SIX5: variants seen among roughly 807,000 people sequenced by gnomAD.
SIX5 encodes the protein homeobox protein SIX5.
SIX5 carries 21 observed loss-of-function variants against 37.1 expected under a neutral mutation model. The ratio of observed to expected loss-of-function variants is 0.57; its 90% CI spans 0.40 to 0.81. The LOEUF is 0.81. Ranked by LOEUF, SIX5 falls within the 40% of genes least tolerant of loss-of-function variation. SIX5 has a pLI of 0.00. For synonymous variants in SIX5, 626 were observed against 505.9 expected (o/e 1.24, Z -3.19); for missense variants, 1,137 against 1,025.1 (o/e 1.11, Z -1.49).
Position 45,768,925 on chromosome 19 carries a change from C to A in SIX5, c.-81G>T. ...CAGCCTCCTCCCCCACCTGTCCCCC[C>A]TTTTCGCCCCCACTCCCCGCTCTTC... On this transcript the variant is annotated 5_prime_UTR_variant, in exon 1 of 3. The change creates a new upstream start codon in the 5' untranslated region. Coordinates refer to ENST00000317578, the MANE Select transcript of SIX5 (RefSeq NM_175875.5). 7.5e-7 allele frequency: 1 copy of A among 1,328,148 alleles called. No homozygotes were observed. Among genetic ancestry groups the A allele is most frequent in the Non-Finnish European group, 1.0e-6 (1 of 974,056 alleles). The allele number at this position is 1,328,148 out of a possible 1,614,324, so 82.3% of individuals were successfully genotyped here. A position where few individuals can be genotyped will look rare whatever the true frequency, so the allele number is the denominator to read the frequency against.
Position 45,767,948 on chromosome 19 carries a change from G to C in SIX5, c.803+94C>G, listed in dbSNP as rs550800552. Reference sequence around the variant, plus strand: ...GTCCCGGGAGATGTCCGAGGACCTCGGCGCGCCGGCCCCAGCAGTGGGCAC... The same window carrying C: ...GTCCCGGGAGATGTCCGAGGACCTCCGCGCGCCGGCCCCAGCAGTGGGCAC... On this transcript the variant is annotated intron_variant, in intron 1 of 2. Coordinates refer to ENST00000317578, the MANE Select transcript of SIX5 (RefSeq NM_175875.5). 4 of 1,315,786 alleles carry C rather than the reference G, an allele frequency of 3.0e-6. No homozygotes were observed. In the South Asian group the frequency reaches 5.6e-5, roughly 18 times the overall value. 81.5% of individuals were successfully genotyped at this position (1,315,786 alleles called of 1,614,324 possible).
chr19:45,765,344 A>G lies in SIX5; in HGVS notation c.*157T>C. On this transcript the variant is annotated 3_prime_UTR_variant, in exon 3 of 3. Transcript: ENST00000317578. The stretch of plus-strand genomic sequence containing the variant: ...ACCTGGACAGGAGGTGGCCGGGGAT[A>G]CAACCCCCAGCACCACCAGGGCTTG... The G allele has an allele frequency of 9.6e-7, 1 of 1,040,028 alleles. No homozygotes were observed. The highest frequency in any genetic ancestry group is 1.5e-6 in the Non-Finnish European group (1 of 676,556). The allele number at this position is 1,040,028 out of a possible 1,614,324, so 64.4% of individuals were successfully genotyped here. A position where few individuals can be genotyped will look rare whatever the true frequency, so the allele number is the denominator to read the frequency against.
At position 45,768,202 on chromosome 19, in the gene SIX5, C is replaced by T; in HGVS notation, c.643G>A (p.Ala215Thr). The change falls in exon 1 of 3, where the codon GCG becomes ACG. Residue 215 changes from alanine (A) to threonine (T), a missense_variant. Around this residue, in one of 3 missense-constraint regions of SIX5, gnomAD observed 331 missense variants for 360.9 expected, o/e 0.92. Coordinates refer to ENST00000317578, the MANE Select transcript of SIX5 (RefSeq NM_175875.5). Reference protein sequence around the residue: ...VYCFKERSRAALKACYRGNRY... With the variant: ...VYCFKERSRATLKACYRGNRY... ...TTGCCGCGGTAGCAGGCCTTGAGCG[C>T]TGCGCGGGAGCGCTCCTTGAAGCAG... The T allele has an allele frequency of 1.9e-6, 3 of 1,613,244 alleles. No individual in the cohort carries two copies. In the South Asian group the frequency reaches 3.3e-5, roughly 18 times the overall value.
In SIX5 at chr19:45,766,936, GC is replaced by G; in HGVS notation, c.1022del (p.Gly341AlafsTer126). ...SGSPAVLLNG[G>X]PVIINGLALG... is the part of the protein sequence containing the mutation. ...GGGCCAGGCCGTTGATGATGACGGG[GC>G]CCCCGTTGAGGAGCACTGCTGGGGA... is the stretch of plus-strand genomic sequence containing the variant. On this transcript the variant is annotated frameshift_variant, in exon 2 of 3. Coordinates refer to ENST00000317578, the MANE Select transcript of SIX5 (RefSeq NM_175875.5). LOFTEE classifies it high-confidence loss of function. 1.9e-6 allele frequency: 3 copies of G among 1,570,576 alleles called. No individual in the cohort carries two copies. Among genetic ancestry groups the G allele is most frequent in the Non-Finnish European group, 1.7e-6 (2 of 1,160,654 alleles).
Position 45,765,272 on chromosome 19 carries a change from T to G in SIX5, c.*229A>C. The G allele has an allele frequency of 1.6e-6, 1 of 633,676 alleles. No individual in the cohort carries two copies. The highest frequency in any genetic ancestry group is 2.8e-6 in the Non-Finnish European group (1 of 354,618). The allele number at this position is 633,676 out of a possible 1,614,324, so 39.3% of individuals were successfully genotyped here. A position where few individuals can be genotyped will look rare whatever the true frequency, so the allele number is the denominator to read the frequency against. ...CCCACGTATATGGCAGGGCACAGCA[T>G]GGGGAGGGCTGTAACAGAGAGGCCT... On this transcript the variant is annotated 3_prime_UTR_variant, in exon 3 of 3. Coordinates refer to ENST00000317578, the MANE Select transcript of SIX5 (RefSeq NM_175875.5).
chr19:45,765,752 A>T lies in SIX5; in HGVS notation c.1969T>A (p.Leu657Met), dbSNP rs774760098. The change falls in exon 3 of 3, where the codon TTG (leucine) becomes ATG (methionine). Residue 657 changes from leucine (L) to methionine (M), a missense_variant. Coordinates refer to ENST00000317578, the MANE Select transcript of SIX5 (RefSeq NM_175875.5). ...CAGACAGGCACGGCCGCGGGTGACAACATCAGCCCCTCTGGTGGGGGCGCC... is the reference window on the plus strand; with the variant it reads ...CAGACAGGCACGGCCGCGGGTGACATCATCAGCCCCTCTGGTGGGGGCGCC... ...FPAPPPEGLM[L>M]SPAAVPVWSA... is the part of the protein sequence containing the mutation. 3.1e-6 allele frequency: 5 copies of T among 1,611,220 alleles called. 1 individual carries two copies. The highest frequency in any genetic ancestry group is 1.7e-5 in the Admixed American group (1 of 60,026).
In SIX5 at chr19:45,766,935, G is replaced by A. The variant is rs772285815; in HGVS notation, c.1024C>T (p.Pro342Ser). Reference sequence around the variant, plus strand: ...AGGGCCAGGCCGTTGATGATGACGGGGCCCCCGTTGAGGAGCACTGCTGGG... The same window carrying A: ...AGGGCCAGGCCGTTGATGATGACGGAGCCCCCGTTGAGGAGCACTGCTGGG... ...GSPAVLLNGG[P>S]VIINGLALGE... The change falls in exon 2 of 3, where the codon CCC becomes TCC. Residue 342 changes from proline (P) to serine (S), a missense_variant. By Grantham distance (74) the Pro-to-Ser change is moderately conservative. Coordinates refer to ENST00000317578, the MANE Select transcript of SIX5 (RefSeq NM_175875.5). 21 of 1,569,796 alleles carry A rather than the reference G, an allele frequency of 1.3e-5. No homozygotes were observed. Among genetic ancestry groups the A allele is most frequent in the Middle Eastern group, 2.0e-4 (1 of 4,902 alleles).
Position 45,765,811 on chromosome 19 carries a change from G to C in SIX5, c.1910C>G (p.Ser637Cys), listed in dbSNP as rs891017241. The C allele has an allele frequency of 1.8e-5, 29 of 1,603,802 alleles. No individual in the cohort carries two copies. The highest frequency in any genetic ancestry group is 2.5e-5 in the Non-Finnish European group (29 of 1,179,820). Reference sequence around the variant, plus strand: ...GGGCAGGAGGCCAGGGGAGTCAGGGGAGAAGGGCAGGCTGGTGCTGGAGGT... The same window carrying C: ...GGGCAGGAGGCCAGGGGAGTCAGGGCAGAAGGGCAGGCTGGTGCTGGAGGT... ...ATTSSTSLPF[S>C]PDSPGLLPNF... Residue 637 changes from serine (S) to cysteine (C), a missense_variant, in exon 3 of 3, where the codon TCC (serine) becomes TGC (cysteine). Coordinates refer to ENST00000317578, the MANE Select transcript of SIX5 (RefSeq NM_175875.5).
chr19:45,765,707 T>C lies in SIX5; in HGVS notation c.2014A>G (p.Ser672Gly), dbSNP rs766716774. 3 of 1,613,004 alleles carry C rather than the reference T, an allele frequency of 1.9e-6. No homozygotes were observed. The highest frequency in any genetic ancestry group is 8.5e-7 in the Non-Finnish European group (1 of 1,179,982). The change falls in exon 3 of 3, where the codon AGC becomes GGC. Residue 672 changes from serine to glycine, a missense_variant. Transcript: ENST00000317578. Reference protein sequence around the residue: ...VPVWSAGLELSAGTEGLLEAE... With the variant: ...VPVWSAGLELGAGTEGLLEAE... Reference sequence around the variant, plus strand: ...TCCAGCAGCCCCTCTGTTCCTGCGCTTAGTTCCAGCCCTGCTGACCAGACA... The same window carrying C: ...TCCAGCAGCCCCTCTGTTCCTGCGCCTAGTTCCAGCCCTGCTGACCAGACA...
rs1969161825 is a variant in SIX5, at chr19:45,768,928, T to TTCGCCCCCACTCCCCGCTCTTC, written c.-106_-85dup. On this transcript the variant is annotated 5_prime_UTR_variant, in exon 1 of 3. Coordinates refer to ENST00000317578, the MANE Select transcript of SIX5 (RefSeq NM_175875.5). ...CCTCCTCCCCCACCTGTCCCCCCTT[T>TTCGCCCCCACTCCCCGCTCTTC]TCGCCCCCACTCCCCGCTCTTCTCG... 1 of 1,231,318 alleles carries TTCGCCCCCACTCCCCGCTCTTC rather than the reference T, an allele frequency of 8.1e-7. No individual in the cohort carries two copies. Among genetic ancestry groups the TTCGCCCCCACTCCCCGCTCTTC allele is most frequent in the Non-Finnish European group, 1.1e-6 (1 of 907,726 alleles). 76.3% of individuals were successfully genotyped at this position (1,231,318 alleles called of 1,614,324 possible).
chr19:45,765,245 C>T lies in SIX5; in HGVS notation c.*256G>A. On this transcript the variant is annotated 3_prime_UTR_variant, in exon 3 of 3. Coordinates refer to ENST00000317578, the MANE Select transcript of SIX5 (RefSeq NM_175875.5). ...GGGCCCCTGAGTCAGGACCCTGAGT[C>T]CCCCACGTATATGGCAGGGCACAGC... 1 of 583,850 alleles carries T rather than the reference C, an allele frequency of 1.7e-6. No homozygotes were observed. The highest frequency in any genetic ancestry group is 3.1e-6 in the Non-Finnish European group (1 of 325,850). The allele number at this position is 583,850 out of a possible 1,614,324, so 36.2% of individuals were successfully genotyped here.
chr19:45,766,323 A>G (rs1431515428), intron 2 of SIX5, 27 bp downstream of exon 2: 1 of 1,555,414 alleles, frequency 6.4e-7, no homozygotes, highest in Non-Finnish European at 8.7e-7. Flanking sequence ...GCTCTCACCT[A>G]GGCCTGAGGG....
At position 45,765,095 on chromosome 19, in the gene SIX5, A is replaced by C. The variant is rs1360221216; in HGVS notation, c.*406T>G. 4 of 253,342 alleles carry C rather than the reference A, an allele frequency of 1.6e-5. No individual in the cohort carries two copies. The East Asian group carries it at 2.7e-4, about 17-fold the overall frequency. The allele number at this position is 253,342 out of a possible 1,614,324, so 15.7% of individuals were successfully genotyped here. A position where few individuals can be genotyped will look rare whatever the true frequency, so the allele number is the denominator to read the frequency against. ...CTTCGGATTCCAGGCAGTTGTGACA[A>C]CACCAGCTATCGGCAGAGCTATTAA... is the stretch of plus-strand genomic sequence containing the variant. On this transcript the variant is annotated 3_prime_UTR_variant, in exon 3 of 3. Transcript: ENST00000317578.
rs370303254 is a variant in SIX5, at chr19:45,767,044, G to A, written c.915C>T (p.Phe305=). Residue 305 remains phenylalanine (F), a synonymous_variant, in exon 2 of 3, where the codon TTC becomes TTT. Coordinates refer to ENST00000317578, the MANE Select transcript of SIX5 (RefSeq NM_175875.5). ...SAEAAAQGSI[F]LAGTGPPAPC... ...GCGCGGGAGGGCCGGTCCCTGCCAGGAATATGGAGCCCTGGGCAGCGGCCT... is the reference window on the plus strand; with the variant it reads ...GCGCGGGAGGGCCGGTCCCTGCCAGAAATATGGAGCCCTGGGCAGCGGCCT... The A allele has an allele frequency of 2.7e-5, 44 of 1,609,976 alleles. No homozygotes were observed. Among genetic ancestry groups the A allele is most frequent in the East Asian group, 1.6e-4 (7 of 44,852 alleles).
chr19:45,768,355 A>G lies in SIX5; in HGVS notation c.490T>C (p.Tyr164His). 1 of 1,598,424 alleles carries G rather than the reference A, an allele frequency of 6.3e-7. No homozygotes were observed. The highest frequency in any genetic ancestry group is 8.5e-7 in the Non-Finnish European group (1 of 1,174,778). Residue 164 changes from tyrosine (Y) to histidine (H), a missense_variant, in exon 1 of 3, where the codon TAC becomes CAC. Transcript: ENST00000317578. The part of the protein sequence containing the change: ...AAHHAFLQDL[Y>H]LRARYHEAER... ...GCCTCATGGTAGCGCGCGCGCAGGT[A>G]GAGGTCCTGCAGGAAGGCGTGGTGG...
intron 1 of SIX5, 65 bp from the exon 2 acceptor site, chr19:45,767,220 A>G: frequency 6.6e-7 from 1 of 1,526,230 alleles, no homozygotes; most frequent in Non-Finnish European, 8.9e-7. Context: ...ATAGCCAGCC[A>G]GCTGCTCCCC....
chr19:45,766,375 C>A lies in SIX5; in HGVS notation c.1584G>T (p.Leu528=). 6.3e-7 allele frequency: 1 copy of A among 1,590,470 alleles called. No homozygotes were observed. The highest frequency in any genetic ancestry group is 8.5e-7 in the Non-Finnish European group (1 of 1,169,852). ...CTGGGGCAGTGGCCGAAGGCAGCTG[C>A]AGGGCAGTCACGCCCACCCCGGAGT... The part of the protein sequence containing the change: ...LINSGVGVTA[L]QLPSATAPGN... Residue 528 remains leucine, a synonymous_variant, in exon 2 of 3, where the codon CTG becomes CTT. Transcript: ENST00000317578.
Position 45,768,134 on chromosome 19 carries a change from G to A in SIX5, c.711C>T (p.Leu237=), listed in dbSNP as rs371281496. 3.1e-6 allele frequency: 5 copies of A among 1,610,234 alleles called. No homozygotes were observed. Among genetic ancestry groups the A allele is most frequent in the Admixed American group, 3.3e-5 (2 of 59,922 alleles). The stretch of plus-strand genomic sequence containing the variant: ...TGACCTGCGTGAGCGACAGGCCGGT[G>A]AGTGTGGCCAGGCGGCGCTTCTCGT... The part of the protein sequence containing the change: ...TPDEKRRLAT[L]TGLSLTQVSN... The change falls in exon 1 of 3, where the codon CTC becomes CTT. Residue 237 remains leucine (L), a synonymous_variant. Transcript: ENST00000317578.
In SIX5 at chr19:45,767,165, G is replaced by T; in HGVS notation, c.804-10C>A. 6.2e-7 allele frequency: 1 copy of T among 1,610,640 alleles called. No homozygotes were observed. The highest frequency in any genetic ancestry group is 8.5e-7 in the Non-Finnish European group (1 of 1,179,548). ...ATTCCCATCAGACTCGCTGGCCGGA[G>T]AAATGGCTGTCAGCTGGGGTCCCTT... On this transcript the variant is annotated splice_polypyrimidine_tract_variant and intron_variant, in intron 1 of 2. Transcript: ENST00000317578.
Sources: gnomAD v4.1 joint callset for allele counts on GRCh38, gnomAD v4.1.1 for gene constraint, gnomAD v4.1.1 regional missense constraint, MANE v1.5 for transcripts, NCBI Gene and HGNC (gene_info 2026-07-23, HGNC 2026-07-21) for gene names.